Variants in FNTA observed in about 807,000 individuals in gnomAD.
FNTA encodes protein farnesyltransferase/geranylgeranyltransferase type-1 subunit alpha.
A neutral mutation model predicts 55.2 loss-of-function variants in FNTA; 27 were observed. The observed-to-expected ratio is 0.49, with a 90% CI of 0.36 to 0.67. FNTA has a LOEUF of 0.67. FNTA is among the 30% of genes least tolerant of loss of function. FNTA has a pLI of 0.00. For synonymous variants in FNTA, 176 were observed against 170.7 expected, an observed-to-expected ratio of 1.03 and a Z score of -0.24; for missense variants, 422 against 464.7, an observed-to-expected ratio of 0.91 and a Z score of 0.85.
At chr8:43,066,416 C>T (rs1476781606) in intron 3 of FNTA, among the ~76,000 whole-genome samples, 1 of 150,840 alleles carries the variant, frequency 6.6e-6, no homozygotes, top group African/African-American at 2.5e-5. Context: ...GCCACCACTC[C>T]CAGCTAATTT....
At chr8:43,063,167 A>G (rs545452524) in intron 2 of FNTA, 1 of 425,458 alleles carries the variant, frequency 2.4e-6, no homozygotes, top group East Asian at 7.3e-5. Context: ...TGCAGCCTTG[A>G]CCTCCCAGGC....
At chr8:43,062,175 G>A (rs539168500) in intron 2 of FNTA, among the ~76,000 whole-genome samples, 71 of 13,372 alleles carry the variant, frequency 5.3e-3, no homozygotes, top group African/African-American at 6.6e-3. Flanking sequence ...TATGTTTTAT[G>A]TGTGTGTGTG....
At chr8:43,074,761 G>A (rs1465816730) in intron 5 of FNTA, among the ~76,000 whole-genome samples, 1 of 152,176 alleles carries the variant, frequency 6.6e-6, no homozygotes, top group Non-Finnish European at 1.5e-5. Context: ...TGAGGGAAAA[G>A]GGGGTACAGC....
chr8:43,083,963 C>T (rs1811073276), intron 7 of FNTA, among the ~76,000 whole-genome samples: 1 of 152,074 alleles, frequency 6.6e-6, no homozygotes, highest in South Asian at 2.1e-4. Context: ...ATCCCAGCTA[C>T]TTGGGAGGCT....
chr8:43,082,556 A>G (rs1385018739), intron 6 of FNTA: 1 of 152,194 alleles, frequency 6.6e-6, no homozygotes, highest in Non-Finnish European at 1.5e-5. Flanking sequence ...TTTAAAGGAA[A>G]TATTTTATGT....
intron 2 of FNTA, 117 bp downstream of exon 2, chr8:43,059,294 TTAAGA>T (rs1810480464): frequency 1.4e-5 from 9 of 660,150 alleles, no homozygotes; most frequent in South Asian, 6.2e-5. Context: ...TCTGAATGAC[TTAAGA>T]TGAGTTAATT....
intron 6 of FNTA, chr8:43,080,211 T>C (rs1810995858): frequency 6.6e-6 from 1 of 152,170 alleles, no homozygotes; most frequent in Non-Finnish European, 1.5e-5. Flanking sequence ...AGTTTTACTG[T>C]GAGTAAAATG....
At chr8:43,068,473 T>C (rs1433314413) in intron 3 of FNTA, among the ~76,000 whole-genome samples, 1 of 152,200 alleles carries the variant, frequency 6.6e-6, no homozygotes, top group Non-Finnish European at 1.5e-5. Context: ...CATTTACAAG[T>C]AGCATTTTTG....
rs375845796 is a variant in FNTA at position 43,064,176 on chromosome 8, G to A, written c.362G>A (p.Arg121Gln). The A allele has an allele frequency of 1.7e-5, 28 of 1,613,626 alleles. No homozygotes were observed. Among genetic ancestry groups the A allele is most frequent in the Admixed American group, 1.0e-4 (6 of 60,002 alleles). The part of the protein sequence containing the change: ...ERSERAFKLT[R>Q]DAIELNAANY... ...AGTGAACGAGCTTTTAAGCTAACCCGGGATGCTATTGAGTTAAATGCAGCC... is the reference window on the plus strand; with the variant it reads ...AGTGAACGAGCTTTTAAGCTAACCCAGGATGCTATTGAGTTAAATGCAGCC... Residue 121 changes from arginine (R) to glutamine (Q), a missense_variant, in exon 3 of 9, where the codon CGG becomes CAG. Coordinates refer to ENST00000302279, the MANE Select transcript of FNTA (RefSeq NM_002027.3).
intron 6 of FNTA, chr8:43,082,063 G>A (rs1811036712): frequency 6.6e-6 from 1 of 151,958 alleles, no homozygotes; most frequent in Non-Finnish European, 1.5e-5. Flanking sequence ...TGTTGAATGA[G>A]TTTATTATTA....
intron 3 of FNTA, among the ~76,000 whole-genome samples, chr8:43,066,480 T>C (rs913517582): frequency 6.1e-5 from 9 of 146,384 alleles, no homozygotes; most frequent in African/African-American, 2.5e-4. Flanking sequence ...AGGATGGTCT[T>C]GATCTCCTGA....
At position 43,056,329 on chromosome 8, in the gene FNTA, G is replaced by A. The variant is rs1810395169; in HGVS notation, c.-18G>A. 1 of 1,403,934 alleles carries A rather than the reference G, an allele frequency of 7.1e-7. No homozygotes were observed. The highest frequency in any genetic ancestry group is 9.2e-7 in the Non-Finnish European group (1 of 1,088,314). 87.0% of individuals were successfully genotyped at this position (1,403,934 alleles called of 1,614,324 possible). Reference sequence around the variant, plus strand: ...GGGCGGGGCCTCCGCCACCACCTCAGCTGCGGACCGAGGCGAGATGGCGGC... The same window carrying A: ...GGGCGGGGCCTCCGCCACCACCTCAACTGCGGACCGAGGCGAGATGGCGGC... On this transcript the variant is annotated 5_prime_UTR_variant, in exon 1 of 9. Transcript: ENST00000302279.
chr8:43,085,040 G>A (rs536728250), intron 8 of FNTA, 120 bp from the exon 9 acceptor site: 110 of 1,121,684 alleles, frequency 9.8e-5, no homozygotes, highest in Non-Finnish European at 1.3e-4. Context: ...CAACACAGCC[G>A]GTGACTCTTA....
At chr8:43,076,053 T>C (rs13276559) in intron 5 of FNTA, among the ~76,000 whole-genome samples, 1 of 151,988 alleles carries the variant, frequency 6.6e-6, no homozygotes, top group South Asian at 2.1e-4. Context: ...TTATTGTTTT[T>C]ATTTTTTGGA....
At chr8:43,065,600 T>C (rs1299451135) in intron 3 of FNTA, among the ~76,000 whole-genome samples, 1 of 150,484 alleles carries the variant, frequency 6.6e-6, no homozygotes, top group Non-Finnish European at 1.5e-5. Flanking sequence ...GTCATTTTTG[T>C]TTTCTTTGTA....
intron 2 of FNTA, among the ~76,000 whole-genome samples, chr8:43,061,059 A>T (rs962362648): frequency 6.6e-6 from 1 of 152,236 alleles, no homozygotes; most frequent in East Asian, 1.9e-4. Context: ...CCATGATTTA[A>T]GTGGCAGAAA....
At position 43,064,124 on chromosome 8, in the gene FNTA, C is replaced by T. The variant is rs1256097476; in HGVS notation, c.310C>T (p.Arg104Ter). 14 of 1,613,066 alleles carry T rather than the reference C, an allele frequency of 8.7e-6. No homozygotes were observed. The highest frequency in any genetic ancestry group is 1.1e-5 in the South Asian group (1 of 91,016). The change falls in exon 3 of 9, where the codon CGA becomes TGA. Residue 104 changes from arginine (R) to a stop codon, truncating the protein, a stop_gained. Coordinates refer to ENST00000302279, the MANE Select transcript of FNTA (RefSeq NM_002027.3). LOFTEE classifies it high-confidence loss of function. ...DKFRDVYDYF[R>*]AVLQRDERSE... The stretch of plus-strand genomic sequence containing the variant: ...AGTTAGAGATGTTTATGATTACTTC[C>T]GAGCTGTCCTGCAGCGTGATGAAAG...
intron 6 of FNTA, chr8:43,079,145 G>T: frequency 6.2e-6 from 1 of 161,188 alleles, no homozygotes; most frequent in South Asian, 1.7e-4. Flanking sequence ...AGTGCTGCTG[G>T]AGAAGCTGCA....
intron 3 of FNTA, 122 bp from the exon 4 acceptor site, chr8:43,069,433 T>C: frequency 4.6e-6 from 3 of 649,668 alleles, no homozygotes. Flanking sequence ...AATTGTTAAA[T>C]TATACAGATT....
Sources: gnomAD v4.1 joint callset for allele counts (sites outside exome capture counted in the v4.1 genomes callset) on GRCh38, gnomAD v4.1.1 for gene constraint, MANE v1.5 for transcripts, NCBI Gene and HGNC (gene_info 2026-07-23, HGNC 2026-07-21) for gene names.